The following GTF2A1L variants were observed in gnomAD, a reference collection of about 807,000 sequenced individuals.
GTF2A1L encodes TFIIA-alpha and beta-like factor.
Under a neutral mutation model 49.7 loss-of-function variants are expected in GTF2A1L, and 48 were observed. The ratio of observed to expected loss-of-function variants is 0.97; its 90% CI spans 0.77 to 1.23. GTF2A1L has a LOEUF of 1.23. Among genes scored for constraint, GTF2A1L ranks in the 50% most tolerant of loss-of-function variants. The pLI, the probability that GTF2A1L is intolerant of heterozygous loss-of-function variation, is 0.00. For synonymous variants in GTF2A1L, 246 were observed against 193.5 expected (o/e 1.27, Z -2.25); for missense variants, 736 against 564.8 (o/e 1.30, Z -3.07).
intron 8 of GTF2A1L, among the ~76,000 whole-genome samples, chr2:48,672,862 T>A (rs1289854731): frequency 6.6e-6 from 1 of 152,208 alleles, no homozygotes; most frequent in Non-Finnish European, 1.5e-5. Flanking sequence ...GTATAACAAT[T>A]ATCACAGTCA....
chr2:48,648,470 T>C (rs904435449), intron 6 of GTF2A1L, among the ~76,000 whole-genome samples: 2 of 152,062 alleles, frequency 1.3e-5, no homozygotes, highest in African/African-American at 4.8e-5. Context: ...TTTTCTGATA[T>C]GGGGAAATAG....
intron 8 of GTF2A1L, among the ~76,000 whole-genome samples, chr2:48,672,354 A>T (rs1679218923): frequency 6.6e-6 from 1 of 152,152 alleles, no homozygotes; most frequent in Non-Finnish European, 1.5e-5. Flanking sequence ...CAGAATAGGA[A>T]GCAGATTAGA....
chr2:48,641,401 T>C (rs1030329883), intron 3 of GTF2A1L, among the ~76,000 whole-genome samples: 4 of 152,200 alleles, frequency 2.6e-5, no homozygotes, highest in Admixed American at 2.6e-4. Flanking sequence ...ATGTTTGCTT[T>C]TATGAGTTGT....
intron 1 of GTF2A1L, chr2:48,618,112 A>T (rs763556338): frequency 8.0e-5 from 43 of 538,054 alleles, no homozygotes; most frequent in Non-Finnish European, 1.3e-4. Context: ...CGCCAAAAGA[A>T]CAAGTGCCCT....
chr2:48,647,648 G>C (rs1212503492), intron 6 of GTF2A1L, among the ~76,000 whole-genome samples: 5 of 151,032 alleles, frequency 3.3e-5, no homozygotes, highest in Admixed American at 3.3e-4. Flanking sequence ...CCCTACATGA[G>C]GGATTATGTT....
chr2:48,636,581 A>T (rs1383527794), intron 3 of GTF2A1L, among the ~76,000 whole-genome samples: 1 of 152,224 alleles, frequency 6.6e-6, no homozygotes, highest in East Asian at 1.9e-4. Flanking sequence ...AAAACCAAAT[A>T]AAAATACTAA....
At position 48,679,327 on chromosome 2, in the gene GTF2A1L, C is replaced by A; in HGVS notation, c.1330-8C>A. The A allele has an allele frequency of 1.2e-6, 2 of 1,603,662 alleles. No individual in the cohort carries two copies. Among genetic ancestry groups the A allele is most frequent in the South Asian group, 2.2e-5 (2 of 89,146 alleles). On this transcript the variant is annotated splice_region_variant and splice_polypyrimidine_tract_variant and intron_variant, in intron 8 of 8. Transcript: ENST00000403751. ...ATTAATTAATGTAAACTACTTTTCT[C>A]CCTCCAGATTCATCGAAGCAAGAAC...
intron 3 of GTF2A1L, among the ~76,000 whole-genome samples, chr2:48,633,608 G>A (rs751424143): frequency 6.6e-6 from 1 of 152,192 alleles, no homozygotes; most frequent in Non-Finnish European, 1.5e-5. Context: ...GAAAAGTATT[G>A]TTCTATGGCC....
intron 4 of GTF2A1L, 38 bp downstream of exon 4, chr2:48,642,495 T>C: frequency 6.5e-7 from 1 of 1,527,270 alleles, no homozygotes; most frequent in Non-Finnish European, 8.9e-7. Flanking sequence ...AAAAGACATG[T>C]CCCACTGTTA....
intron 3 of GTF2A1L, among the ~76,000 whole-genome samples, chr2:48,630,187 A>C (rs1021392261): frequency 7.0e-6 from 1 of 143,588 alleles, no homozygotes; most frequent in African/African-American, 2.5e-5. Flanking sequence ...AATAGCATTG[A>C]ATCTGTAGAT....
chr2:48,619,624 G>C (rs747990403), intron 1 of GTF2A1L, among the ~76,000 whole-genome samples: 1 of 152,086 alleles, frequency 6.6e-6, no homozygotes, highest in Non-Finnish European at 1.5e-5. Context: ...TCATTTTGGC[G>C]TGATTAAGCA....
chr2:48,646,572 A>G lies in GTF2A1L; in HGVS notation c.508A>G (p.Thr170Ala). 2 of 1,614,202 alleles carry G rather than the reference A, an allele frequency of 1.2e-6. No individual in the cohort carries two copies. The highest frequency in any genetic ancestry group is 1.7e-6 in the Non-Finnish European group (2 of 1,180,044). Residue 170 changes from threonine (T) to alanine (A), a missense_variant, in exon 6 of 9, where the codon ACT becomes GCT. By Grantham distance (58) the Thr-to-Ala change is moderately conservative. Transcript: ENST00000403751. The stretch of plus-strand genomic sequence containing the variant: ...GCTTGGCCAGCCTTCAGTAATACAA[A>G]CTAGTGTTCCACAATTGAATCCATG... ...QQLGQPSVIQ[T>A]SVPQLNPWSL...
chr2:48,631,682 A>G (rs1444514382), intron 3 of GTF2A1L, among the ~76,000 whole-genome samples: 1 of 151,780 alleles, frequency 6.6e-6, no homozygotes, highest in Admixed American at 6.6e-5. Context: ...CTCCGATTGT[A>G]GTTATTTCTT....
At chr2:48,677,411 T>C (rs12713012) in intron 8 of GTF2A1L, among the ~76,000 whole-genome samples, 43,165 of 151,568 alleles carry the variant, frequency 0.28, 6,386 homozygotes, top group African/African-American at 0.32. Flanking sequence ...GATATTAGAG[T>C]GTAAGCATTT....
At chr2:48,660,036 A>C (rs1458556488) in intron 6 of GTF2A1L, among the ~76,000 whole-genome samples, 1 of 152,104 alleles carries the variant, frequency 6.6e-6, no homozygotes, top group Non-Finnish European at 1.5e-5. Flanking sequence ...TGGTGAAAGT[A>C]GTTGTCCTTT....
intron 3 of GTF2A1L, among the ~76,000 whole-genome samples, chr2:48,639,765 C>A (rs6723170): frequency 0.54 from 81,890 of 151,958 alleles, 22,864 homozygotes; most frequent in East Asian, 0.93. Context: ...AAGCAGCCTA[C>A]AGAATGGAAG....
At chr2:48,638,456 A>G (rs1021095560) in intron 3 of GTF2A1L, among the ~76,000 whole-genome samples, 1 of 152,194 alleles carries the variant, frequency 6.6e-6, no homozygotes, top group Admixed American at 6.5e-5. Context: ...CATCACATAA[A>G]CAAAACTAGA....
At chr2:48,669,441 G>T (rs910708366) in intron 6 of GTF2A1L, among the ~76,000 whole-genome samples, 2 of 152,186 alleles carry the variant, frequency 1.3e-5, no homozygotes, top group Admixed American at 6.5e-5. Context: ...ATTTAAGACG[G>T]TATGTATAAA....
intron 6 of GTF2A1L, among the ~76,000 whole-genome samples, chr2:48,648,324 A>C (rs1014637943): frequency 4.6e-5 from 7 of 152,130 alleles, no homozygotes; most frequent in African/African-American, 7.2e-5. Flanking sequence ...ACTAACTACA[A>C]ATGTAAAATG....
Sources: allele counts gnomAD v4.1 joint callset (sites outside exome capture counted in the v4.1 genomes callset), GRCh38; gene constraint gnomAD v4.1.1; transcripts MANE v1.5; gene names NCBI Gene and HGNC (gene_info 2026-07-23, HGNC 2026-07-21).